GAP43: variants seen among roughly 807,000 people sequenced by gnomAD.
The protein encoded by GAP43 is neuromodulin.
In GAP43, 6 loss-of-function variants were observed where a neutral mutation model predicts 18.6. The observed-to-expected ratio is 0.32, with a 90% confidence interval of 0.18 to 0.64. The LOEUF is 0.64. Ranked by LOEUF, GAP43 falls within the 30% of genes least tolerant of loss-of-function variation. The pLI, the probability that GAP43 is intolerant of heterozygous loss-of-function variation, is 0.78. For missense variants in GAP43, 292 were observed against 295.5 expected (o/e 0.99, Z 0.09); for synonymous variants, 115 against 111.4 (o/e 1.03, Z -0.20).
In GAP43 at chr3:115,720,872, A is replaced by G; in HGVS notation, c.707A>G (p.Glu236Gly). The G allele has an allele frequency of 6.2e-7, 1 of 1,611,110 alleles. No homozygotes were observed. Among genetic ancestry groups the G allele is most frequent in the Non-Finnish European group, 8.5e-7 (1 of 1,177,836 alleles). ...GAAGAGGAACCTGAGGCTGACCAAG[A>G]ACATGCCTGAACTCTAAGAAATGGC... is the stretch of plus-strand genomic sequence containing the variant. ...GKEEEPEADQEHA is the reference protein window; with the variant it reads ...GKEEEPEADQGHA The change falls in exon 3 of 3, where the codon GAA (glutamate) becomes GGA (glycine). Residue 236 changes from glutamate (E) to glycine (G), a missense_variant. Transcript: ENST00000305124.
At chr3:115,670,828 C>G (rs1708807961) in intron 1 of GAP43, among the ~76,000 whole-genome samples, 1 of 152,102 alleles carries the variant, frequency 6.6e-6, no homozygotes, top group African/African-American at 2.4e-5. Flanking sequence ...AAAAACATTG[C>G]TTAGGATATC....
chr3:115,639,835 C>CAGAA (rs1458217839), intron 1 of GAP43, among the ~76,000 whole-genome samples: 19 of 152,020 alleles, frequency 1.2e-4, no homozygotes, highest in African/African-American at 4.1e-4. Flanking sequence ...TGGGCTTCCC[C>CAGAA]TTATAATTCT....
intron 2 of GAP43, among the ~76,000 whole-genome samples, chr3:115,683,129 GCGCGTGCGCGCGCGCGCGCA>G (rs1559800326): frequency 1.0e-5 from 1 of 99,428 alleles, no homozygotes; most frequent in African/African-American, 3.5e-5. Flanking sequence ...ACATGTGCGC[GCGCGTGCGCGCGCGCGCGCA>G]CACACACACA....
At chr3:115,707,813 T>C (rs1229115233) in intron 2 of GAP43, among the ~76,000 whole-genome samples, 2 of 152,136 alleles carry the variant, frequency 1.3e-5, no homozygotes, top group African/African-American at 4.8e-5. Flanking sequence ...TGAAACAGAA[T>C]AGCATTGGGG....
chr3:115,701,064 G>A (rs1291546495), intron 2 of GAP43, among the ~76,000 whole-genome samples: 1 of 152,072 alleles, frequency 6.6e-6, no homozygotes, highest in African/African-American at 2.4e-5. Flanking sequence ...AGACTAAAGG[G>A]TGTCAGATAA....
chr3:115,718,449 T>A (rs1709538284), intron 2 of GAP43, among the ~76,000 whole-genome samples: 1 of 152,174 alleles, frequency 6.6e-6, no homozygotes, highest in Non-Finnish European at 1.5e-5. Flanking sequence ...ACCAAAATTT[T>A]TGTAATTCCT....
chr3:115,706,929 T>C (rs1709371809), intron 2 of GAP43, among the ~76,000 whole-genome samples: 1 of 152,222 alleles, frequency 6.6e-6, no homozygotes, highest in Admixed American at 6.5e-5. Context: ...TTAAAATGTT[T>C]ATTGTCATTT....
At chr3:115,710,457 A>G (rs1240033831) in intron 2 of GAP43, among the ~76,000 whole-genome samples, 1 of 152,176 alleles carries the variant, frequency 6.6e-6, no homozygotes, top group African/African-American at 2.4e-5. Flanking sequence ...AAAGAGGGAG[A>G]ATAACAAAAT....
intron 2 of GAP43, among the ~76,000 whole-genome samples, chr3:115,688,767 C>T (rs776486739): frequency 7.2e-5 from 11 of 152,228 alleles, no homozygotes; most frequent in Non-Finnish European, 1.0e-4. Context: ...GCCATGCTCA[C>T]TCCTTATAAA....
At chr3:115,684,680 C>T (rs1010151201) in intron 2 of GAP43, among the ~76,000 whole-genome samples, 4 of 152,096 alleles carry the variant, frequency 2.6e-5, no homozygotes, top group East Asian at 1.9e-4. Flanking sequence ...CTCGGCTGCT[C>T]ATGTAATCAG....
intron 2 of GAP43, among the ~76,000 whole-genome samples, chr3:115,717,622 C>A (rs905117655): frequency 6.7e-6 from 1 of 149,178 alleles, no homozygotes; most frequent in African/African-American, 2.5e-5. Flanking sequence ...ATTTTATTGT[C>A]TTTTAAAGGT....
Position 115,645,059 on chromosome 3 carries a change from A to C in GAP43, c.30+21340A>C, listed in dbSNP as rs189558306. Among the ~76,000 whole-genome samples, 123 of 152,152 alleles carry C rather than the reference A, an allele frequency of 8.1e-4. 1 individual carries two copies. Among genetic ancestry groups the C allele is most frequent in the Middle Eastern group, 3.4e-3 (1 of 294 alleles). ...GGCCCCTATATCATTTTTGTTTATC[A>C]ATAGATCATCTATTGCTTTCATGGT... On this transcript the variant is annotated intron_variant, in intron 1 of 2. Transcript: ENST00000305124.
chr3:115,717,943 A>G (rs142827795), intron 2 of GAP43, among the ~76,000 whole-genome samples: 1 of 152,294 alleles, frequency 6.6e-6, no homozygotes, highest in African/African-American at 2.4e-5. Flanking sequence ...GCTTGATTGT[A>G]TTCCAACAAG....
At chr3:115,646,593 T>G (rs781704438) in intron 1 of GAP43, among the ~76,000 whole-genome samples, 2 of 152,006 alleles carry the variant, frequency 1.3e-5, no homozygotes, top group African/African-American at 2.4e-5. Context: ...CAAATCATAC[T>G]GAAGAAATAG....
At chr3:115,630,158 C>T (rs1708244041) in intron 1 of GAP43, among the ~76,000 whole-genome samples, 1 of 152,146 alleles carries the variant, frequency 6.6e-6, no homozygotes, top group Non-Finnish European at 1.5e-5. Context: ...ACAACTCTTA[C>T]AAATAGACCG....
chr3:115,625,383 T>A (rs1468419103), intron 1 of GAP43, among the ~76,000 whole-genome samples: 2 of 152,044 alleles, frequency 1.3e-5, no homozygotes, highest in Non-Finnish European at 2.9e-5. Context: ...CCAGGGCATT[T>A]TCTCTCTGTG....
At chr3:115,696,122 G>C (rs1324795210) in intron 2 of GAP43, among the ~76,000 whole-genome samples, 1 of 151,232 alleles carries the variant, frequency 6.6e-6, no homozygotes, top group East Asian at 2.0e-4. Context: ...TCTATAGCCC[G>C]GACCTCTCTC....
At chr3:115,692,057 G>A (rs1414807920) in intron 2 of GAP43, among the ~76,000 whole-genome samples, 1 of 152,164 alleles carries the variant, frequency 6.6e-6, no homozygotes, top group Non-Finnish European at 1.5e-5. Context: ...AAGATTATTT[G>A]CAACATGTTA....
intron 1 of GAP43, among the ~76,000 whole-genome samples, chr3:115,656,121 C>T (rs1304739333): frequency 6.6e-6 from 1 of 152,122 alleles, no homozygotes; most frequent in African/African-American, 2.4e-5. Context: ...GACTCACTCT[C>T]TTGGTCTCAG....
Sources: allele counts gnomAD v4.1 joint callset (sites outside exome capture counted in the v4.1 genomes callset), GRCh38; gene constraint gnomAD v4.1.1; transcripts MANE v1.5; gene names NCBI Gene and HGNC (gene_info 2026-07-23, HGNC 2026-07-21).